Variants in MAP4 observed in about 807,000 individuals in gnomAD.
MAP4 encodes microtubule associated protein 4, also known as microtubule-associated protein 4.
Under a neutral mutation model 170.2 loss-of-function variants are expected in MAP4, and 76 were observed. That is an observed-to-expected ratio of 0.45 (90% CI 0.37 to 0.54). The LOEUF is 0.54. MAP4 is among the 20% of genes least tolerant of loss of function. The pLI is 0.00. For missense variants in MAP4, 2,506 were observed against 2,748.0 expected (o/e 0.91, Z 1.97); for synonymous variants, 909 against 994.5 (o/e 0.91, Z 1.62).
intron 1 of MAP4, among the ~76,000 whole-genome samples, chr3:48,052,227 GT>G (rs1490460826): frequency 6.6e-6 from 1 of 152,134 alleles, no homozygotes; most frequent in Admixed American, 6.5e-5. Flanking sequence ...GGGTTTTTTT[GT>G]TTTTGTTTTT....
At chr3:48,032,856 A>C (rs544027043) in intron 1 of MAP4, among the ~76,000 whole-genome samples, 1 of 152,310 alleles carries the variant, frequency 6.6e-6, no homozygotes, top group East Asian at 1.9e-4. Flanking sequence ...ACTCTCGTTA[A>C]AGCTTCAAAT....
chr3:48,038,317 TCAAG>T (rs757426680), intron 1 of MAP4, among the ~76,000 whole-genome samples: 1 of 152,068 alleles, frequency 6.6e-6, no homozygotes, highest in Non-Finnish European at 1.5e-5. Flanking sequence ...TTTCTAATTC[TCAAG>T]TCTTCATTTT....
intron 1 of MAP4, among the ~76,000 whole-genome samples, chr3:48,053,891 T>C (rs1308215445): frequency 6.6e-6 from 1 of 152,250 alleles, no homozygotes; most frequent in Non-Finnish European, 1.5e-5. Flanking sequence ...GTATATATAT[T>C]CACAGGAAAT....
intron 1 of MAP4, among the ~76,000 whole-genome samples, chr3:48,067,042 A>G (rs6769393): frequency 0.01 from 1,572 of 151,764 alleles, 26 homozygotes; most frequent in African/African-American, 0.036. Context: ...GGGTTTCACC[A>G]TGCTAGCCAG....
At chr3:48,021,928 G>A (rs2100110754) in intron 1 of MAP4, among the ~76,000 whole-genome samples, 2 of 152,106 alleles carry the variant, frequency 1.3e-5, no homozygotes, top group South Asian at 4.2e-4. Context: ...AAACATTGTG[G>A]TACCTGCACA....
chr3:48,045,307 GTTATAA>G (rs1245462794), intron 1 of MAP4, among the ~76,000 whole-genome samples: 1 of 150,388 alleles, frequency 6.6e-6, no homozygotes, highest in Non-Finnish European at 1.5e-5. Flanking sequence ...AACTCTGTCA[GTTATAA>G]TTATAGGAAA....
intron 1 of MAP4, among the ~76,000 whole-genome samples, chr3:48,013,030 T>C (rs1227941293): frequency 6.6e-6 from 1 of 152,194 alleles, no homozygotes; most frequent in African/African-American, 2.4e-5. Flanking sequence ...TCCAATTTTA[T>C]AGTTATTTTA....
At chr3:47,920,522 C>A (rs1227504021) in intron 5 of MAP4, among the ~76,000 whole-genome samples, 1 of 143,900 alleles carries the variant, frequency 6.9e-6, no homozygotes, top group East Asian at 2.2e-4. Flanking sequence ...GGATTACGGG[C>A]GTGTGCCACT....
At chr3:48,077,360 C>T (rs552805575) in intron 1 of MAP4, among the ~76,000 whole-genome samples, 9 of 151,078 alleles carry the variant, frequency 6.0e-5, no homozygotes, top group African/African-American at 1.9e-4. Context: ...AGAATCGAAT[C>T]ACTTGAACCC....
At chr3:48,055,437 C>T (rs1308326724) in intron 1 of MAP4, among the ~76,000 whole-genome samples, 2 of 151,528 alleles carry the variant, frequency 1.3e-5, no homozygotes, top group Admixed American at 6.6e-5. Context: ...AGCCCCTAAC[C>T]GCGAGTGATC....
rs1027488319 is a variant in MAP4 at position 47,928,519 on chromosome 3, G to A, written c.293-169C>T. ...AATTGAAAGATAAAAGGAGCTGGGT[G>A]CAATGGTGCGTCTGTAGCCCCATTT... is the stretch of plus-strand genomic sequence containing the variant. On this transcript the variant is annotated intron_variant, in intron 3 of 20. Coordinates refer to ENST00000683076, the MANE Select transcript of MAP4 (RefSeq NM_001385682.1). Among the ~76,000 whole-genome samples, 5 of 152,150 alleles carry A rather than the reference G, an allele frequency of 3.3e-5. No individual in the cohort carries two copies. In the South Asian group the frequency reaches 1.0e-3, roughly 32 times the overall value.
At chr3:48,078,188 C>T (rs1020991003) in intron 1 of MAP4, among the ~76,000 whole-genome samples, 5 of 152,040 alleles carry the variant, frequency 3.3e-5, no homozygotes, top group African/African-American at 1.2e-4. Context: ...GCTCTGTGGC[C>T]CAGGCTAGAG....
chr3:47,864,623 G>A (rs2076237980), intron 17 of MAP4, among the ~76,000 whole-genome samples: 1 of 152,200 alleles, frequency 6.6e-6, no homozygotes, highest in African/African-American at 2.4e-5. Flanking sequence ...CTTGCAGTGA[G>A]CCGAGATCGC....
intron 1 of MAP4, among the ~76,000 whole-genome samples, chr3:48,071,615 T>A (rs1278619862): frequency 6.6e-6 from 1 of 152,080 alleles, no homozygotes; most frequent in Non-Finnish European, 1.5e-5. Flanking sequence ...ATCATTACGA[T>A]AAATACTTCT....
intron 10 of MAP4, among the ~76,000 whole-genome samples, chr3:47,899,600 T>C (rs1315417232): frequency 6.6e-6 from 1 of 152,158 alleles, no homozygotes; most frequent in African/African-American, 2.4e-5. Flanking sequence ...TTCTAGAAGG[T>C]AGGAATGTGA....
At chr3:48,026,295 A>G (rs1192739593) in intron 1 of MAP4, among the ~76,000 whole-genome samples, 1 of 152,224 alleles carries the variant, frequency 6.6e-6, no homozygotes. Context: ...GTAAATAAAC[A>G]TTCCCACAAG....
intron 10 of MAP4, among the ~76,000 whole-genome samples, chr3:47,888,602 G>GC (rs1231694867): frequency 6.6e-6 from 1 of 152,000 alleles, no homozygotes; most frequent in Non-Finnish European, 1.5e-5. Flanking sequence ...GACTCCAGAC[G>GC]CACCACCTTA....
chr3:47,954,811 A>C (rs1326589410), intron 3 of MAP4, among the ~76,000 whole-genome samples: 2 of 152,154 alleles, frequency 1.3e-5, no homozygotes, highest in East Asian at 3.9e-4. Context: ...CCCATAGTAC[A>C]ATGGGCCTAC....
At chr3:47,965,487 A>G (rs2100074302) in intron 3 of MAP4, among the ~76,000 whole-genome samples, 1 of 152,200 alleles carries the variant, frequency 6.6e-6, no homozygotes, top group African/African-American at 2.4e-5. Context: ...ACTATTTTCC[A>G]TAGCACTTTC....
Sources: allele counts gnomAD v4.1 joint callset (sites outside exome capture counted in the v4.1 genomes callset), GRCh38; gene constraint gnomAD v4.1.1; transcripts MANE v1.5; gene names NCBI Gene and HGNC (gene_info 2026-07-23, HGNC 2026-07-21).